Variants in MEGF8 observed in about 807,000 individuals in gnomAD.
MEGF8 encodes multiple EGF like domains 8, also known as multiple epidermal growth factor-like domains protein 8.
A neutral mutation model predicts 302.9 loss-of-function variants in MEGF8; 156 were observed. That is an observed-to-expected ratio of 0.52 (90% CI 0.45 to 0.59). The LOEUF (loss-of-function observed/expected upper bound fraction) is 0.59, where lower values mean the gene tolerates loss of function less well. Among genes scored for constraint, MEGF8 ranks in the 20% least tolerant of loss-of-function variants. The pLI is 0.00. For synonymous variants in MEGF8, 1,621 were observed against 1,660.5 expected, an observed-to-expected ratio of 0.98 and a Z score of 0.58; for missense variants, 3,345 against 3,964.5, an observed-to-expected ratio of 0.84 and a Z score of 4.20.
chr19:42,367,004 C>G (rs555826603), intron 35 of MEGF8, among the ~76,000 whole-genome samples: 1 of 152,216 alleles, frequency 6.6e-6, no homozygotes, highest in Non-Finnish European at 1.5e-5. Context: ...TCCATGGTTG[C>G]TTTGCCTTTT....
chr19:42,371,512 AG>A (rs2039690519), intron 41 of MEGF8, 30 bp downstream of exon 41: 1 of 1,613,182 alleles, frequency 6.2e-7, no homozygotes, highest in South Asian at 1.1e-5. Context: ...TGGTGGGCCG[AG>A]GGCCCTACAC....
At position 42,353,041 on chromosome 19, in the gene MEGF8, C is replaced by T; in HGVS notation, c.3464C>T (p.Pro1155Leu). Residue 1155 changes from proline (P) to leucine (L), a missense_variant, in exon 20 of 42, where the codon CCA (proline) becomes CTA (leucine). Transcript: ENST00000251268. The surrounding 1 kb of genome is among the most constrained non-coding windows in gnomAD (Gnocchi z 6.1). ...LPPPTPAPGPPAPRCSRDCGC... is the reference protein window; with the variant it reads ...LPPPTPAPGPLAPRCSRDCGC... ...CCTCCCACACCCGCCCCGGGTCCGC[C>T]AGCCCCCCGCTGCTCCCGGGACTGT... is the stretch of plus-strand genomic sequence containing the variant. The T allele has an allele frequency of 6.4e-7, 1 of 1,553,944 alleles. No homozygotes were observed. Among genetic ancestry groups the T allele is most frequent in the African/African-American group, 1.4e-5 (1 of 73,262 alleles).
rs180788941 is a variant in MEGF8, at chr19:42,334,002, C to T, written c.352-5C>T. 6.0e-5 allele frequency: 97 copies of T among 1,612,154 alleles called. 1 individual carries two copies. The East Asian group carries it at 7.4e-4, about 12-fold the overall frequency. The stretch of plus-strand genomic sequence containing the variant: ...CACCTTACCCAGCACACCTTGTGCC[C>T]GCAGATGCTGCTGCACCTCTTCAGT... On this transcript the variant is annotated splice_polypyrimidine_tract_variant and splice_region_variant and intron_variant, in intron 2 of 41. Coordinates refer to ENST00000251268, the MANE Select transcript of MEGF8 (RefSeq NM_001271938.2).
rs1171672426 is a variant in MEGF8, at chr19:42,354,030, C to T, written c.4011+6C>T. The T allele has an allele frequency of 6.3e-7, 1 of 1,584,828 alleles. No homozygotes were observed. The highest frequency in any genetic ancestry group is 8.6e-7 in the Non-Finnish European group (1 of 1,166,466). On this transcript the variant is annotated splice_donor_region_variant and intron_variant, in intron 22 of 41. Transcript: ENST00000251268. This position sits in a 1 kb window ranked among gnomAD's most constrained non-coding sequence, Gnocchi z 4.3. ...ACAGCAGCACCCCCTGCACGGTGAG[C>T]ACTGAGGAAACGAGGGTTCAGGCGC...
chr19:42,343,711 G>C (rs1568560810), intron 9 of MEGF8, 80 bp downstream of exon 9: 10 of 1,462,014 alleles, frequency 6.8e-6, no homozygotes, highest in Non-Finnish European at 8.2e-6. Context: ...AAAGGCAGGA[G>C]GGGATCCCTG....
chr19:42,332,640 A>C (rs2039070312), intron 1 of MEGF8, among the ~76,000 whole-genome samples: 1 of 152,214 alleles, frequency 6.6e-6, no homozygotes, highest in Non-Finnish European at 1.5e-5. Flanking sequence ...TGCTGGGATT[A>C]CAGGTGTGAG....
Position 42,368,973 on chromosome 19 carries a change from C to T in MEGF8, c.6612C>T (p.Cys2204=), listed in dbSNP as rs371268413. 31 of 1,613,682 alleles carry T rather than the reference C, an allele frequency of 1.9e-5. No homozygotes were observed. Among genetic ancestry groups the T allele is most frequent in the Non-Finnish European group, 2.5e-5 (29 of 1,179,892 alleles). The change falls in exon 37 of 42, where the codon TGC becomes TGT. Residue 2204 remains cysteine (C), a synonymous_variant. Coordinates refer to ENST00000251268, the MANE Select transcript of MEGF8 (RefSeq NM_001271938.2). The surrounding 1 kb of genome is among the most constrained non-coding windows in gnomAD (Gnocchi z 4.9). ...ACGACCAGCCCCACGGCTATGAGTG[C>T]AGCTGCAAGACCGGCTATACCATGG... ...NCHDQPHGYE[C]SCKTGYTMDN...
rs747919363 is a variant in MEGF8 at position 42,349,653 on chromosome 19, G to A, written c.2453G>A (p.Ser818Asn). 1.9e-6 allele frequency: 3 copies of A among 1,612,056 alleles called. No individual in the cohort carries two copies. The highest frequency in any genetic ancestry group is 2.2e-5 in the South Asian group (2 of 91,084). The change falls in exon 14 of 42, where the codon AGC (serine) becomes AAC (asparagine). Residue 818 changes from serine (S) to asparagine (N), a missense_variant. Ser to Asn is a conservative substitution (Grantham distance 46). Transcript: ENST00000251268. ...QLNGSAGPGH[S>N]ELTLLWDRTG... ...AATGGCTCGGCAGGCCCTGGGCACA[G>A]CGAGCTAACTCTGCTGTGGGATCGG...
Position 42,358,455 on chromosome 19 carries a change from C to A in MEGF8, c.5175+148C>A. On this transcript the variant is annotated intron_variant, in intron 29 of 41. Transcript: ENST00000251268. This position sits in a 1 kb window ranked among gnomAD's most constrained non-coding sequence, Gnocchi z 4.4. ...CTAAGCGACACCCCCACATCTCCCC[C>A]GCTTCCATCCCTGATTTGGAGGAGA... is the stretch of plus-strand genomic sequence containing the variant. 1.0e-5 allele frequency: 11 copies of A among 1,084,410 alleles called. 1 individual carries two copies. Among genetic ancestry groups the A allele is most frequent in the South Asian group, 3.4e-5 (2 of 59,310 alleles). 67.2% of individuals were successfully genotyped at this position (1,084,410 alleles called of 1,614,324 possible).
rs2039769290 is a variant in MEGF8 at position 42,376,286 on chromosome 19, C to A, written c.8049C>A (p.Arg2683=). 1 of 1,612,124 alleles carries A rather than the reference C, an allele frequency of 6.2e-7. No homozygotes were observed. Among genetic ancestry groups the A allele is most frequent in the African/African-American group, 1.3e-5 (1 of 74,918 alleles). The change falls in exon 42 of 42, where the codon CGC becomes CGA. Residue 2683 remains arginine, a synonymous_variant. Transcript: ENST00000251268. This position sits in a 1 kb window ranked among gnomAD's most constrained non-coding sequence, Gnocchi z 8.2. ...CTCTGGACCAGCGGCAGGAGCAGCG[C>A]CGGCACTTGCAGGAGATGACCAAGA... is the stretch of plus-strand genomic sequence containing the variant. ...KQALDQRQEQ[R]RHLQEMTKMA...
chr19:42,374,833 G>A (rs2039743426), intron 41 of MEGF8, among the ~76,000 whole-genome samples: 1 of 152,330 alleles, frequency 6.6e-6, no homozygotes, highest in African/African-American at 2.4e-5. Flanking sequence ...GGGCTGTTGG[G>A]GAGTGGGAAT....
In MEGF8 at chr19:42,363,273, T is replaced by G. The variant is rs776379328; in HGVS notation, c.6273+11T>G. 6.3e-7 allele frequency: 1 copy of G among 1,577,984 alleles called. No individual in the cohort carries two copies. Among genetic ancestry groups the G allele is most frequent in the East Asian group, 2.3e-5 (1 of 42,932 alleles). ...AGCAGCCTGCAGCAGGTACTGCACC[T>G]GGCCAGGACCGTGCCAGGCAAGGGC... On this transcript the variant is annotated intron_variant, in intron 35 of 41. Transcript: ENST00000251268.
chr19:42,354,116 C>CT lies in MEGF8; in HGVS notation c.4011+93dup. 8.2e-6 allele frequency: 11 copies of CT among 1,335,124 alleles called. No homozygotes were observed. Among genetic ancestry groups the CT allele is most frequent in the South Asian group, 1.5e-5 (1 of 65,844 alleles). The allele number at this position is 1,335,124 out of a possible 1,614,324, so 82.7% of individuals were successfully genotyped here. On this transcript the variant is annotated intron_variant, in intron 22 of 41. Coordinates refer to ENST00000251268, the MANE Select transcript of MEGF8 (RefSeq NM_001271938.2). This position sits in a 1 kb window ranked among gnomAD's most constrained non-coding sequence, Gnocchi z 4.3. ...TCCTCAGACCCTGACCCTAGTATTGCTGTTTTTTTTTTTTTGTTTTTTTAA... is the reference window on the plus strand; with the variant it reads ...TCCTCAGACCCTGACCCTAGTATTGCTTGTTTTTTTTTTTTTGTTTTTTTAA...
Position 42,369,367 on chromosome 19 carries a change from C to T in MEGF8, c.6642-164C>T, listed in dbSNP as rs1023173416. Among the ~76,000 whole-genome samples the T allele has an allele frequency of 6.6e-6, 1 of 152,164 alleles. No individual in the cohort carries two copies. Among genetic ancestry groups the T allele is most frequent in the African/African-American group, 2.4e-5 (1 of 41,438 alleles). ...AAAGAGGAGAGAGGGTTGTGGGCTACACCTGGAGGGGGTGGTGGGCTAGAT... is the reference window on the plus strand; with the variant it reads ...AAAGAGGAGAGAGGGTTGTGGGCTATACCTGGAGGGGGTGGTGGGCTAGAT... On this transcript the variant is annotated intron_variant, in intron 37 of 41. Transcript: ENST00000251268. The surrounding 1 kb of genome is among the most constrained non-coding windows in gnomAD (Gnocchi z 5.7).
chr19:42,347,626 G>A (rs1170939013), intron 12 of MEGF8, among the ~76,000 whole-genome samples: 2 of 152,052 alleles, frequency 1.3e-5, no homozygotes, highest in East Asian at 3.9e-4. Context: ...CCAAGTAGCT[G>A]GGATTACAAG....
chr19:42,332,782 G>GT, intron 1 of MEGF8, among the ~76,000 whole-genome samples: 1 of 152,304 alleles, frequency 6.6e-6, no homozygotes, highest in East Asian at 1.9e-4. Flanking sequence ...AATTTCTGCT[G>GT]TTTTTTTATT....
chr19:42,351,947 C>G lies in MEGF8; in HGVS notation c.3101+186C>G, dbSNP rs145263492. On this transcript the variant is annotated intron_variant, in intron 18 of 41. Coordinates refer to ENST00000251268, the MANE Select transcript of MEGF8 (RefSeq NM_001271938.2). The surrounding 1 kb of genome is among the most constrained non-coding windows in gnomAD (Gnocchi z 5.6). ...TTTTTCTCCATTTTTCCTCCTTTTC[C>G]GGCTCTCTGCGATTCGTTTTCTTTC... 1.3e-5 allele frequency among the ~76,000 whole-genome samples: 2 copies of G among 152,174 alleles called. No individual in the cohort carries two copies. The highest frequency in any genetic ancestry group is 3.9e-4 in the East Asian group (2 of 5,180).
Position 42,362,125 on chromosome 19 carries a change from C to T in MEGF8, c.5756C>T (p.Pro1919Leu), listed in dbSNP as rs761681313. The T allele has an allele frequency of 1.2e-6, 2 of 1,612,490 alleles. No homozygotes were observed. The highest frequency in any genetic ancestry group is 1.7e-6 in the Non-Finnish European group (2 of 1,179,550). The part of the protein sequence containing the change: ...GCGGSPCSPM[P>L]RSPEECRRLR... ...GGGGGCTCCCCCTGCTCCCCAATGC[C>T]TCGCTCCCCGGAGGAATGTCGACGT... The change falls in exon 33 of 42, where the codon CCT (proline) becomes CTT (leucine). Residue 1919 changes from proline (P) to leucine (L), a missense_variant. By Grantham distance (98) the Pro-to-Leu change is moderately conservative. Transcript: ENST00000251268.
intron 39 of MEGF8, 154 bp downstream of exon 39, chr19:42,370,513 G>A: frequency 1.1e-6 from 1 of 892,314 alleles, no homozygotes; most frequent in Non-Finnish European, 1.7e-6. Flanking sequence ...TAGAGGTGGG[G>A]GTCTTGAACT....
Sources: gnomAD v4.1 joint callset for allele counts (sites outside exome capture counted in the v4.1 genomes callset) on GRCh38, gnomAD v4.1.1 for gene constraint, Gnocchi (gnomAD v3.1) non-coding constraint, MANE v1.5 for transcripts, NCBI Gene and HGNC (gene_info 2026-07-23, HGNC 2026-07-21) for gene names.